PPP6R2: variants seen among roughly 807,000 people sequenced by gnomAD.
PPP6R2 encodes the protein serine/threonine-protein phosphatase 6 regulatory subunit 2.
Under a neutral mutation model 100.2 loss-of-function variants are expected in PPP6R2, and 62 were observed. The ratio of observed to expected loss-of-function variants is 0.62; its 90% confidence interval spans 0.50 to 0.76. PPP6R2 has a LOEUF of 0.76. PPP6R2 is among the 30% of genes least tolerant of loss of function. The pLI is 0.00. For synonymous variants in PPP6R2, 525 were observed against 514.7 expected (o/e 1.02, Z -0.27); for missense variants, 1,142 against 1,276.3 (o/e 0.89, Z 1.60).
At chr22:50,333,140 A>G in the PPP6R2 span, among the ~76,000 whole-genome samples, 2 of 152,124 alleles carry the variant, frequency 1.3e-5, no homozygotes, top group South Asian at 4.1e-4. Flanking sequence ...CCTCATCTCT[A>G]AATAAATAAA....
At chr22:50,340,070 TGTGTGTGTG>T (rs1377233007), upstream of PPP6R2, among the ~76,000 whole-genome samples, 4 of 112,354 alleles carry the variant, frequency 3.6e-5, no homozygotes, top group African/African-American at 1.0e-4. Context: ...TGGTGTGTGA[TGTGTGTGTG>T]GTGTGTGTGG....
intron 2 of PPP6R2, among the ~76,000 whole-genome samples, chr22:50,382,405 T>TG (rs2053282443): frequency 6.6e-6 from 1 of 151,622 alleles, no homozygotes; most frequent in Non-Finnish European, 1.5e-5. Context: ...GAGACCAGCC[T>TG]GACTAACATG....
rs1861138953 is a variant in PPP6R2, at chr22:50,423,097, A to AC, written c.973-360dup. 1.3e-5 allele frequency among the ~76,000 whole-genome samples: 2 copies of AC among 151,634 alleles called. No individual in the cohort carries two copies. The highest frequency in any genetic ancestry group is 4.2e-4 in the South Asian group (2 of 4,782). ...GTTCTGAGATTGTGGCCGCAGAGGG[A>AC]CCCCCACTGGGCATCCTCAGTGAGG... On this transcript the variant is annotated intron_variant, in intron 9 of 23. Coordinates refer to ENST00000612753, the MANE Select transcript of PPP6R2 (RefSeq NM_001242898.2). The surrounding 1 kb of genome is among the most constrained non-coding windows in gnomAD (Gnocchi z 4.8).
chr22:50,420,356 C>T (rs932240314), intron 8 of PPP6R2, among the ~76,000 whole-genome samples: 1 of 152,204 alleles, frequency 6.6e-6, no homozygotes, highest in Non-Finnish European at 1.5e-5. Context: ...GGAGGTGCTC[C>T]TTTGCTGTGA....
At position 50,444,504 on chromosome 22, in the gene PPP6R2, T is replaced by A; in HGVS notation, c.*257T>A. ...CGCCCCCAAGCCCAGAGCACAGCAA[T>A]AAGGTCGGCCTGCAGGAGCCGGGGT... is the stretch of plus-strand genomic sequence containing the variant. On this transcript the variant is annotated 3_prime_UTR_variant, in exon 24 of 24. Transcript: ENST00000612753. The A allele has an allele frequency of 3.9e-6, 1 of 255,086 alleles. No homozygotes were observed. Among genetic ancestry groups the A allele is most frequent in the Non-Finnish European group, 6.9e-6 (1 of 144,314 alleles). 15.8% of individuals were successfully genotyped at this position (255,086 alleles called of 1,614,324 possible).
intron 3 of PPP6R2, among the ~76,000 whole-genome samples, chr22:50,403,489 C>T (rs1176605747): frequency 6.6e-6 from 1 of 152,222 alleles, no homozygotes; most frequent in East Asian, 1.9e-4. Context: ...CCTCTGACAT[C>T]CCACAGGGTG....
chr22:50,342,762 C>T (rs1265931595), upstream of PPP6R2, among the ~76,000 whole-genome samples: 1 of 152,242 alleles, frequency 6.6e-6, no homozygotes, highest in African/African-American at 2.4e-5. Flanking sequence ...ATTTGCAAAA[C>T]GCCGTGCAAG....
intron 8 of PPP6R2, among the ~76,000 whole-genome samples, chr22:50,421,625 CAG>C (rs2061346576): frequency 6.6e-6 from 1 of 151,926 alleles, no homozygotes; most frequent in South Asian, 2.1e-4. Context: ...GAAAACACCA[CAG>C]GGGGTAGGCG....
At chr22:50,372,607 G>A (rs2050474202) in intron 2 of PPP6R2, among the ~76,000 whole-genome samples, 1 of 152,020 alleles carries the variant, frequency 6.6e-6, no homozygotes, top group African/African-American at 2.4e-5. Context: ...GTCTTTTGGT[G>A]GTTTTTGATC....
intron 1 of PPP6R2, among the ~76,000 whole-genome samples, chr22:50,363,941 C>T (rs951425096): frequency 6.7e-6 from 1 of 149,844 alleles, no homozygotes; most frequent in Admixed American, 6.7e-5. Flanking sequence ...GTCGCCCAGG[C>T]TGGAGTACAG....
chr22:50,390,111 C>A (rs2055150844), intron 2 of PPP6R2, among the ~76,000 whole-genome samples: 1 of 151,592 alleles, frequency 6.6e-6, no homozygotes, highest in African/African-American at 2.4e-5. Flanking sequence ...CCTGCCTCAG[C>A]CTCCCAAGTA....
intron 1 of PPP6R2, among the ~76,000 whole-genome samples, chr22:50,370,990 T>C (rs1049559557): frequency 9.9e-5 from 15 of 152,224 alleles, no homozygotes; most frequent in African/African-American, 3.6e-4. Flanking sequence ...TTGGGAATCC[T>C]AATTTAAAAA....
chr22:50,370,481 G>T (rs899624643), intron 1 of PPP6R2, among the ~76,000 whole-genome samples: 1 of 151,516 alleles, frequency 6.6e-6, no homozygotes, highest in Non-Finnish European at 1.5e-5. Flanking sequence ...TAGAGATGGG[G>T]TTTCACTATG....
intron 1 of PPP6R2, among the ~76,000 whole-genome samples, chr22:50,357,507 C>G (rs981153955): frequency 6.6e-6 from 1 of 150,624 alleles, no homozygotes; most frequent in Non-Finnish European, 1.5e-5. Context: ...CTCTCTCTTT[C>G]TTTTTTGATG....
chr22:50,384,212 C>T (rs910377393), intron 2 of PPP6R2, among the ~76,000 whole-genome samples: 2 of 151,970 alleles, frequency 1.3e-5, no homozygotes, highest in African/African-American at 4.8e-5. Flanking sequence ...TTATATGAAG[C>T]TCAGTGTCTT....
the PPP6R2 span, among the ~76,000 whole-genome samples, chr22:50,336,059 A>G: frequency 6.6e-6 from 1 of 151,538 alleles, no homozygotes; most frequent in African/African-American, 2.4e-5. Flanking sequence ...ATCTTGGTTC[A>G]CTGCAAGCTC....
intron 3 of PPP6R2, among the ~76,000 whole-genome samples, chr22:50,405,089 G>A (rs969518596): frequency 6.6e-6 from 1 of 152,242 alleles, no homozygotes; most frequent in African/African-American, 2.4e-5. Context: ...TGGTTCCTGA[G>A]CGGCTGATGG....
At chr22:50,342,725 A>T (rs1193529791), upstream of PPP6R2, among the ~76,000 whole-genome samples, 1 of 152,286 alleles carries the variant, frequency 6.6e-6, no homozygotes, top group Non-Finnish European at 1.5e-5. Flanking sequence ...AAACAATTCC[A>T]GCACTTGTTA....
At chr22:50,343,712 G>GCC (rs149870647) in intron 1 of PPP6R2, among the ~76,000 whole-genome samples, 162 bp downstream of exon 1, 4 of 75,972 alleles carry the variant, frequency 5.3e-5, no homozygotes, top group African/African-American at 2.3e-4. Context: ...CGGAGTCAGT[G>GCC]CCCCCCCCAA....
Sources: gnomAD v4.1 joint callset for allele counts (sites outside exome capture counted in the v4.1 genomes callset) on GRCh38, gnomAD v4.1.1 for gene constraint, Gnocchi (gnomAD v3.1) non-coding constraint, MANE v1.5 for transcripts, NCBI Gene and HGNC (gene_info 2026-07-23, HGNC 2026-07-21) for gene names.